Variants in XPNPEP3 observed in about 807,000 individuals in gnomAD.
The protein encoded by XPNPEP3 is xaa-Pro aminopeptidase 3.
XPNPEP3 carries 41 observed loss-of-function variants against 60.0 expected under a neutral mutation model. The ratio of observed to expected loss-of-function variants is 0.68; its 90% CI spans 0.53 to 0.89. The LOEUF (loss-of-function observed/expected upper bound fraction) is 0.89, where lower values mean the gene tolerates loss of function less well. XPNPEP3 is among the 40% of genes least tolerant of loss of function. XPNPEP3 has a pLI of 0.00. For missense variants in XPNPEP3, 598 were observed against 638.9 expected, an observed-to-expected ratio of 0.94 and a Z score of 0.69; for synonymous variants, 212 against 223.2, an observed-to-expected ratio of 0.95 and a Z score of 0.45.
intron 7 of XPNPEP3, among the ~76,000 whole-genome samples, chr22:40,921,344 G>C (rs1348706658): frequency 6.6e-6 from 1 of 152,000 alleles, no homozygotes; most frequent in Non-Finnish European, 1.5e-5. Flanking sequence ...CAATAGGTTT[G>C]GTACATGAAT....
intron 1 of XPNPEP3, chr22:40,861,029 A>G (rs2057941180): frequency 6.5e-7 from 1 of 1,536,054 alleles, no homozygotes; most frequent in Non-Finnish European, 8.7e-7. Flanking sequence ...AAACACACAC[A>G]ATTGTGTTCA....
In XPNPEP3 at chr22:40,882,123, G is replaced by A. The variant is rs765796363; in HGVS notation, c.535G>A (p.Val179Ile). The change falls in exon 3 of 10, where the codon GTA (valine) becomes ATA (isoleucine). Residue 179 changes from valine (V) to isoleucine (I), a missense_variant. Val to Ile is a conservative substitution (Grantham distance 29). Coordinates refer to ENST00000357137, the MANE Select transcript of XPNPEP3 (RefSeq NM_022098.4). ...TGATGGAGCAATAGCTCTAACTGGAGTAGACGAAGCCTATACGCTAGAAGA... is the reference window on the plus strand; with the variant it reads ...TGATGGAGCAATAGCTCTAACTGGAATAGACGAAGCCTATACGCTAGAAGA... The part of the protein sequence containing the change: ...GTDGAIALTG[V>I]DEAYTLEEFQ... 3.1e-6 allele frequency: 5 copies of A among 1,614,080 alleles called. No individual in the cohort carries two copies. In the South Asian group the frequency reaches 3.3e-5, roughly 11 times the overall value.
At chr22:40,926,174 G>A (rs925147604) in intron 9 of XPNPEP3, 95 bp from the exon 10 acceptor site, 1 of 1,302,576 alleles carries the variant, frequency 7.7e-7, no homozygotes, top group Non-Finnish European at 1.1e-6. Context: ...CAGTATTACA[G>A]AGGAAGGAAT....
At chr22:40,873,000 G>T (rs2058012500) in intron 2 of XPNPEP3, among the ~76,000 whole-genome samples, 1 of 151,364 alleles carries the variant, frequency 6.6e-6, no homozygotes, top group Admixed American at 6.6e-5. Context: ...GGAATGCTAG[G>T]TTTAAAAAGG....
At chr22:40,909,064 T>C (rs750654394) in intron 5 of XPNPEP3, 58 bp from the exon 6 acceptor site, 419 of 1,451,800 alleles carry the variant, frequency 2.9e-4, no homozygotes, top group Non-Finnish European at 3.9e-4. Context: ...TGAAGAGAGC[T>C]TGGGCTGGGG....
intron 2 of XPNPEP3, among the ~76,000 whole-genome samples, chr22:40,880,808 T>G (rs539948076): frequency 6.7e-6 from 1 of 149,526 alleles, no homozygotes; most frequent in East Asian, 2.0e-4. Flanking sequence ...AAAAAAACCA[T>G]TGGCCAAGTC....
At chr22:40,871,100 C>T (rs950321568) in intron 2 of XPNPEP3, among the ~76,000 whole-genome samples, 10 of 152,032 alleles carry the variant, frequency 6.6e-5, no homozygotes, top group Admixed American at 1.3e-4. Context: ...CAGTGGCTCA[C>T]GCCTATAATC....
chr22:40,882,052 G>T lies in XPNPEP3; in HGVS notation c.464G>T (p.Arg155Leu). The T allele has an allele frequency of 6.2e-7, 1 of 1,614,026 alleles. No homozygotes were observed. The highest frequency in any genetic ancestry group is 1.3e-5 in the African/African-American group (1 of 74,982). Residue 155 changes from arginine to leucine, a missense_variant, in exon 3 of 10, where the codon CGG (arginine) becomes CTG (leucine). Arg to Leu is a moderately radical substitution (Grantham distance 102). Coordinates refer to ENST00000357137, the MANE Select transcript of XPNPEP3 (RefSeq NM_022098.4). ...PSHKAILFVP[R>L]RDPSRELWDG... is the part of the protein sequence containing the mutation. ...CACAAAGCCATACTTTTTGTGCCTC[G>T]GCGAGATCCCAGTCGAGAACTTTGG...
chr22:40,924,113 G>A (rs2058226192), intron 8 of XPNPEP3, among the ~76,000 whole-genome samples: 1 of 152,074 alleles, frequency 6.6e-6, no homozygotes. Context: ...AATTACTCAA[G>A]TCTGCATGTA....
chr22:40,874,435 G>GT (rs140791860), intron 2 of XPNPEP3, among the ~76,000 whole-genome samples: 3,653 of 151,592 alleles, frequency 0.024, 188 homozygotes, highest in East Asian at 0.2. Context: ...TTTTGTTTTT[G>GT]TTTTTTTTGA....
At chr22:40,907,396 G>A (rs2058160406) in intron 4 of XPNPEP3, among the ~76,000 whole-genome samples, 191 bp from the exon 5 acceptor site, 1 of 152,080 alleles carries the variant, frequency 6.6e-6, no homozygotes, top group African/African-American at 2.4e-5. Context: ...ACTCCAGCCT[G>A]GGCAACAGAG....
chr22:40,869,969 C>A, intron 2 of XPNPEP3: 1 of 454,890 alleles, frequency 2.2e-6, no homozygotes, highest in Non-Finnish European at 4.6e-6. Context: ...GAAATATGTT[C>A]CTTTTTCACT....
chr22:40,916,185 G>A (rs764090800), intron 7 of XPNPEP3, among the ~76,000 whole-genome samples: 2 of 151,892 alleles, frequency 1.3e-5, no homozygotes, highest in East Asian at 3.9e-4. Context: ...CCAGCTACTC[G>A]GGAGGCTGAG....
At chr22:40,861,044 T>C in intron 1 of XPNPEP3, 2 of 1,555,630 alleles carry the variant, frequency 1.3e-6, no homozygotes, top group Non-Finnish European at 1.7e-6. Flanking sequence ...TGTTCAAATG[T>C]TATATATTTG....
intron 1 of XPNPEP3, chr22:40,862,230 A>T (rs2057954592): frequency 7.9e-7 from 1 of 1,262,906 alleles, no homozygotes; most frequent in Non-Finnish European, 1.0e-6. Flanking sequence ...CAGTGTAGGG[A>T]CTGGACCTTC....
intron 1 of XPNPEP3, chr22:40,861,818 A>G: frequency 2.5e-6 from 4 of 1,611,978 alleles, no homozygotes; most frequent in Non-Finnish European, 2.5e-6. Context: ...CCCGTTTCTC[A>G]TCATTTGATA....
intron 1 of XPNPEP3, chr22:40,860,256 G>GT (rs1269743058): frequency 6.6e-6 from 1 of 152,114 alleles, no homozygotes; most frequent in Non-Finnish European, 1.5e-5. Flanking sequence ...TTTTAAAAAA[G>GT]TTTTTTCATA....
chr22:40,893,236 G>T (rs551873304), intron 4 of XPNPEP3, among the ~76,000 whole-genome samples: 3 of 149,066 alleles, frequency 2.0e-5, no homozygotes, highest in Non-Finnish European at 3.0e-5. Context: ...ACATCTGGCC[G>T]GGCGCTTATG....
rs149730606 is a variant in XPNPEP3, at chr22:40,909,631, G to A, written c.969+396G>A. ...AATACAAAAATTAGCCAGGCGTGGTGGCACGTGCTTGTAATCCCAGCTACT... is the reference window on the plus strand; with the variant it reads ...AATACAAAAATTAGCCAGGCGTGGTAGCACGTGCTTGTAATCCCAGCTACT... On this transcript the variant is annotated intron_variant, in intron 6 of 9. Transcript: ENST00000357137. 8.5e-5 allele frequency among the ~76,000 whole-genome samples: 13 copies of A among 152,144 alleles called. No individual in the cohort carries two copies. The East Asian group carries it at 2.5e-3, about 29-fold the overall frequency.
Sources: allele counts gnomAD v4.1 joint callset (sites outside exome capture counted in the v4.1 genomes callset), GRCh38; gene constraint gnomAD v4.1.1; transcripts MANE v1.5; gene names NCBI Gene and HGNC (gene_info 2026-07-23, HGNC 2026-07-21).